PKN2: variants seen among roughly 807,000 people sequenced by gnomAD.
PKN2 encodes serine/threonine-protein kinase N2.
Under a neutral mutation model 119.1 loss-of-function variants are expected in PKN2, and 38 were observed. That is an observed-to-expected ratio of 0.32 (90% CI 0.25 to 0.42). The LOEUF (loss-of-function observed/expected upper bound fraction) is 0.42. Among genes scored for constraint, PKN2 ranks in the 10% least tolerant of loss-of-function variants. The probability of loss-of-function intolerance (pLI) is 1.00; values close to 1 mark genes in which losing one functional copy is unlikely to be tolerated. For synonymous variants in PKN2, 390 were observed against 384.9 expected (o/e 1.01, Z -0.15); for missense variants, 850 against 1,165.1 (o/e 0.73, Z 3.94).
chr1:88,829,243 T>A, intron 19 of PKN2: 1 of 703,858 alleles, frequency 1.4e-6, no homozygotes, highest in East Asian at 2.6e-5. Context: ...CCATGTTGAG[T>A]GGCCCAGGTC....
At chr1:88,733,352 CTT>C (rs1334170980) in intron 1 of PKN2, among the ~76,000 whole-genome samples, 5 of 151,266 alleles carry the variant, frequency 3.3e-5, no homozygotes, top group African/African-American at 1.2e-4. Flanking sequence ...CACCTGCTAT[CTT>C]TTGATTTTTT....
chr1:88,799,741 G>GTA (rs1361607463), intron 8 of PKN2, among the ~76,000 whole-genome samples: 1 of 152,214 alleles, frequency 6.6e-6, no homozygotes, highest in Non-Finnish European at 1.5e-5. Context: ...TTCAGGCTAA[G>GTA]AGTGATAATG....
chr1:88,805,625 G>A lies in PKN2; in HGVS notation c.1630G>A (p.Val544Met), dbSNP rs369266668. The A allele has an allele frequency of 1.5e-4, 239 of 1,613,906 alleles. No individual in the cohort carries two copies. Among genetic ancestry groups the A allele is most frequent in the Non-Finnish European group, 2.0e-4 (233 of 1,180,004 alleles). ...CCCTCAAGCTCCTGTGCCTACTACA[G>A]TGCCAGTGGTTGATGTACGCATCCC... The part of the protein sequence containing the change: ...FSPQAPVPTT[V>M]PVVDVRIPQL... Residue 544 changes from valine (V) to methionine (M), a missense_variant, in exon 11 of 22, where the codon GTG becomes ATG. Physicochemically the swap from Val to Met is conservative, Grantham distance 21. Coordinates refer to ENST00000370521, the MANE Select transcript of PKN2 (RefSeq NM_006256.4).
intron 1 of PKN2, among the ~76,000 whole-genome samples, chr1:88,736,950 G>A (rs919169762): frequency 5.9e-5 from 9 of 152,272 alleles, no homozygotes; most frequent in African/African-American, 1.2e-4. Flanking sequence ...GCCAGGACAC[G>A]TTAGGCACTG....
intron 2 of PKN2, among the ~76,000 whole-genome samples, chr1:88,743,128 T>G (rs930135437): frequency 3.9e-5 from 6 of 152,168 alleles, no homozygotes; most frequent in African/African-American, 1.4e-4. Flanking sequence ...AAGCAGAGGT[T>G]GTGTTGAGCC....
chr1:88,776,653 TCGTTTGAA>T (rs945227560), intron 6 of PKN2, among the ~76,000 whole-genome samples: 4 of 151,644 alleles, frequency 2.6e-5, no homozygotes, highest in African/African-American at 4.8e-5. Flanking sequence ...GGCAGGAGAA[TCGTTTGAA>T]CGCGGGAGGC....
At chr1:88,741,540 T>C (rs114059721) in intron 2 of PKN2, among the ~76,000 whole-genome samples, 1 of 152,272 alleles carries the variant, frequency 6.6e-6, no homozygotes, top group Non-Finnish European at 1.5e-5. Flanking sequence ...CAGTAGGACG[T>C]TACTTAGAGT....
chr1:88,740,293 G>A (rs1213665571), intron 1 of PKN2, among the ~76,000 whole-genome samples: 1 of 151,798 alleles, frequency 6.6e-6, no homozygotes, highest in Non-Finnish European at 1.5e-5. Flanking sequence ...ACTAAAAAGT[G>A]GTCATAAAGG....
At chr1:88,771,210 T>C (rs1381328264) in intron 4 of PKN2, among the ~76,000 whole-genome samples, 2 of 152,176 alleles carry the variant, frequency 1.3e-5, no homozygotes, top group African/African-American at 4.8e-5. Context: ...CTCTAAAATC[T>C]TTTTTTCAGA....
intron 1 of PKN2, among the ~76,000 whole-genome samples, chr1:88,692,151 C>A (rs1666360985): frequency 6.6e-6 from 1 of 151,456 alleles, no homozygotes; most frequent in Non-Finnish European, 1.5e-5. Context: ...TAAGATTTAT[C>A]CACATTTTTG....
chr1:88,739,435 A>T (rs1023666180), intron 1 of PKN2, among the ~76,000 whole-genome samples: 2 of 152,172 alleles, frequency 1.3e-5, no homozygotes, highest in Non-Finnish European at 2.9e-5. Flanking sequence ...CACCCTTTTC[A>T]CTATTTTGCA....
intron 6 of PKN2, among the ~76,000 whole-genome samples, chr1:88,782,783 C>T (rs920874189): frequency 5.9e-5 from 9 of 152,150 alleles, no homozygotes; most frequent in African/African-American, 1.9e-4. Flanking sequence ...AGCCACTAAG[C>T]TTGTAATAAT....
At chr1:88,803,107 A>G (rs1465391634) in intron 8 of PKN2, among the ~76,000 whole-genome samples, 2 of 152,300 alleles carry the variant, frequency 1.3e-5, no homozygotes, top group East Asian at 1.9e-4. Context: ...TTCTTTCATG[A>G]CAGTTCTCTC....
intron 1 of PKN2, among the ~76,000 whole-genome samples, 173 bp from the exon 2 acceptor site, chr1:88,740,815 A>G (rs1240811162): frequency 6.6e-6 from 1 of 152,094 alleles, no homozygotes; most frequent in Non-Finnish European, 1.5e-5. Flanking sequence ...ATGATTTTGT[A>G]TGGTTATAAT....
intron 19 of PKN2, among the ~76,000 whole-genome samples, chr1:88,832,165 T>A (rs971722094): frequency 1.3e-5 from 2 of 152,056 alleles, no homozygotes; most frequent in African/African-American, 4.8e-5. Context: ...TGCTTGCTAA[T>A]CCATGATTGT....
chr1:88,806,181 T>C, intron 12 of PKN2, 164 bp downstream of exon 12: 1 of 654,074 alleles, frequency 1.5e-6, no homozygotes, highest in Non-Finnish European at 2.6e-6. Flanking sequence ...TGAGACAGAG[T>C]TTCACTCTTG....
intron 16 of PKN2, among the ~76,000 whole-genome samples, chr1:88,816,436 G>A (rs936271053): frequency 6.6e-6 from 1 of 150,950 alleles, no homozygotes; most frequent in African/African-American, 2.5e-5. Context: ...TAGTAGAGAC[G>A]GGGTTTCACT....
chr1:88,722,149 C>T, intron 1 of PKN2, among the ~76,000 whole-genome samples: 1 of 152,130 alleles, frequency 6.6e-6, no homozygotes, highest in East Asian at 1.9e-4. Flanking sequence ...ATTTCTGTTT[C>T]AAGCACATAA....
intron 8 of PKN2, among the ~76,000 whole-genome samples, chr1:88,795,940 G>A (rs1181942451): frequency 6.6e-6 from 1 of 152,198 alleles, no homozygotes; most frequent in Non-Finnish European, 1.5e-5. Context: ...TTTTACAGGT[G>A]AGCAATCTGA....
Sources: allele counts gnomAD v4.1 joint callset (sites outside exome capture counted in the v4.1 genomes callset), GRCh38; gene constraint gnomAD v4.1.1; transcripts MANE v1.5; gene names NCBI Gene and HGNC (gene_info 2026-07-23, HGNC 2026-07-21).